Variants in ISOC1 observed in about 807,000 individuals in gnomAD.
ISOC1 encodes isochorismatase domain-containing protein 1.
Under a neutral mutation model 30.0 loss-of-function variants are expected in ISOC1, and 33 were observed. That is an observed-to-expected ratio of 1.10 (90% CI 0.83 to 1.47). ISOC1 has a LOEUF of 1.47. Ranked by LOEUF, ISOC1 falls within the 40% of genes most tolerant of loss-of-function variation. The pLI, the probability that ISOC1 is intolerant of heterozygous loss-of-function variation, is 0.00. For missense variants in ISOC1, 372 were observed against 388.0 expected (o/e 0.96, Z 0.35); for synonymous variants, 178 against 159.8 (o/e 1.11, Z -0.86).
At chr5:129,100,460 CTA>C (rs1440899000) in intron 1 of ISOC1, among the ~76,000 whole-genome samples, 3 of 151,896 alleles carry the variant, frequency 2.0e-5, no homozygotes, top group East Asian at 3.9e-4. Flanking sequence ...GTGTGTAGGA[CTA>C]TGTGTAGGCA....
At chr5:129,102,610 ATAATT>A (rs1753586262) in intron 1 of ISOC1, among the ~76,000 whole-genome samples, 1 of 152,210 alleles carries the variant, frequency 6.6e-6, no homozygotes, top group African/African-American at 2.4e-5. Flanking sequence ...TCTGAAATAT[ATAATT>A]TAACAGTTTT....
chr5:129,095,842 C>T (rs1460287914), intron 1 of ISOC1, among the ~76,000 whole-genome samples: 1 of 152,182 alleles, frequency 6.6e-6, no homozygotes, highest in African/African-American at 2.4e-5. Context: ...TGCTCTCATG[C>T]TAGGCGGGTT....
At chr5:129,111,866 A>G (rs1164198859) in intron 4 of ISOC1, among the ~76,000 whole-genome samples, 2 of 152,124 alleles carry the variant, frequency 1.3e-5, no homozygotes, top group African/African-American at 4.8e-5. Context: ...TTGACCTGTC[A>G]GTGAAACTTT....
intron 1 of ISOC1, among the ~76,000 whole-genome samples, chr5:129,103,733 A>G (rs1367227456): frequency 6.6e-6 from 1 of 152,150 alleles, no homozygotes; most frequent in African/African-American, 2.4e-5. Flanking sequence ...TTGGTGGTGA[A>G]GCCACACCAT....
chr5:129,108,408 T>A (rs1753663560), intron 4 of ISOC1, among the ~76,000 whole-genome samples: 1 of 152,218 alleles, frequency 6.6e-6, no homozygotes, highest in African/African-American at 2.4e-5. Context: ...TTATTTATTT[T>A]GTTTAGCTAT....
Position 129,107,003 on chromosome 5 carries a change from C to A in ISOC1, c.691C>A (p.His231Asn). Residue 231 changes from histidine (H) to asparagine (N), a missense_variant, in exon 4 of 5, where the codon CAC becomes AAC. By Grantham distance (68) the His-to-Asn change is moderately conservative. Coordinates refer to ENST00000173527, the MANE Select transcript of ISOC1 (RefSeq NM_016048.2). The stretch of plus-strand genomic sequence containing the variant: ...GCTAGTTGGCCGAGGAGTCGAGGTT[C>A]ACATTGTTGCTGATGCCACCTCATC... ...LELVGRGVEV[H>N]IVADATSSRS... The A allele has an allele frequency of 1.2e-6, 2 of 1,613,852 alleles. No individual in the cohort carries two copies. The highest frequency in any genetic ancestry group is 2.2e-5 in the South Asian group (2 of 91,078).
At chr5:129,095,200 G>T (rs1234375253) in intron 1 of ISOC1, 125 bp downstream of exon 1, 2 of 938,086 alleles carry the variant, frequency 2.1e-6, no homozygotes, top group South Asian at 3.7e-5. Context: ...CTGCGCGAGT[G>T]GCTGAGTCCG....
At chr5:129,098,919 C>T (rs1404173022) in intron 1 of ISOC1, among the ~76,000 whole-genome samples, 1 of 152,006 alleles carries the variant, frequency 6.6e-6, no homozygotes, top group Non-Finnish European at 1.5e-5. Context: ...ACCTTGTTCG[C>T]CTTTGGCTTG....
intron 1 of ISOC1, among the ~76,000 whole-genome samples, chr5:129,100,734 A>G (rs1308276355): frequency 6.6e-6 from 1 of 152,032 alleles, no homozygotes; most frequent in African/African-American, 2.4e-5. Flanking sequence ...CGAAATTTAG[A>G]GAGTTGTATG....
chr5:129,110,625 G>C (rs928696365), intron 4 of ISOC1, among the ~76,000 whole-genome samples: 1 of 151,880 alleles, frequency 6.6e-6, no homozygotes, highest in African/African-American at 2.4e-5. Context: ...TTTCTGTGAT[G>C]TACACTTCCC....
rs143688677 is a variant in ISOC1, at chr5:129,105,071, G to A, written c.425G>A (p.Arg142Lys). 1.1e-5 allele frequency: 17 copies of A among 1,613,838 alleles called. No individual in the cohort carries two copies. In the East Asian group the frequency reaches 3.8e-4, roughly 36 times the overall value. ...GGGGATATTATTAGCGTGGGACAGA[G>A]ATTGGTATGCTTGTTTACTTATTTG... ...YFGDIISVGQ[R>K]LLQGARILGI... Residue 142 changes from arginine (R) to lysine (K), a missense_variant, in exon 2 of 5, where the codon AGA becomes AAA. Coordinates refer to ENST00000173527, the MANE Select transcript of ISOC1 (RefSeq NM_016048.2).
At chr5:129,095,151 G>A in intron 1 of ISOC1, 76 bp downstream of exon 1, 2 of 1,406,996 alleles carry the variant, frequency 1.4e-6, no homozygotes, top group Non-Finnish European at 1.9e-6. Flanking sequence ...CGCCTTCGCC[G>A]CGCTCCTCAG....
At chr5:129,101,161 CAAAAAAAAAAAAAAAAAA>C (rs1156603818) in intron 1 of ISOC1, among the ~76,000 whole-genome samples, 2 of 19,506 alleles carry the variant, frequency 1.0e-4, no homozygotes, top group Non-Finnish European at 1.8e-4. Context: ...CTCAGCTAAT[CAAAAAAAAAAAAAAAAAA>C]AAAAAAAAAA....
chr5:129,109,485 T>C (rs1753678675), intron 4 of ISOC1, among the ~76,000 whole-genome samples: 1 of 152,116 alleles, frequency 6.6e-6, no homozygotes, highest in African/African-American at 2.4e-5. Flanking sequence ...TCACCAGAAA[T>C]GTGTAAGTAT....
intron 4 of ISOC1, among the ~76,000 whole-genome samples, chr5:129,110,999 A>C (rs10478831): frequency 9.2e-5 from 14 of 152,140 alleles, no homozygotes; most frequent in African/African-American, 3.4e-4. Context: ...AGAGCTGGAC[A>C]TGAATGACTT....
rs1301608799 is a variant in ISOC1, at chr5:129,104,356, T to A, written c.310-600T>A. On this transcript the variant is annotated intron_variant, in intron 1 of 4. Coordinates refer to ENST00000173527, the MANE Select transcript of ISOC1 (RefSeq NM_016048.2). ...CTGCTACAGATATTTTAAGTTTTACTTTTTATACTTACAAGCAGCAACATC... is the reference window on the plus strand; with the variant it reads ...CTGCTACAGATATTTTAAGTTTTACATTTTATACTTACAAGCAGCAACATC... 4.6e-5 allele frequency among the ~76,000 whole-genome samples: 7 copies of A among 152,278 alleles called. No individual in the cohort carries two copies. In the East Asian group the frequency reaches 7.7e-4, roughly 17 times the overall value.
chr5:129,113,028 C>A lies in ISOC1; in HGVS notation c.*27C>A. The A allele has an allele frequency of 6.3e-7, 1 of 1,596,218 alleles. No homozygotes were observed. Among genetic ancestry groups the A allele is most frequent in the South Asian group, 1.1e-5 (1 of 88,102 alleles). ...ACATTTGAAGAACTGGTATGCTACT[C>A]ACTGGTGAAGGACAGTCAGGTGAAG... On this transcript the variant is annotated 3_prime_UTR_variant, in exon 5 of 5. Transcript: ENST00000173527.
Position 129,104,951 on chromosome 5 carries a change from C to T in ISOC1, c.310-5C>T. 6.2e-7 allele frequency: 1 copy of T among 1,607,492 alleles called. No homozygotes were observed. The highest frequency in any genetic ancestry group is 8.5e-7 in the Non-Finnish European group (1 of 1,177,900). ...GCTAAATCATTCTTTTTCTTTTTTCCTCAGCTCACTACCCTGGGAAATCTT... is the reference window on the plus strand; with the variant it reads ...GCTAAATCATTCTTTTTCTTTTTTCTTCAGCTCACTACCCTGGGAAATCTT... On this transcript the variant is annotated splice_region_variant and splice_polypyrimidine_tract_variant and intron_variant, in intron 1 of 4. Coordinates refer to ENST00000173527, the MANE Select transcript of ISOC1 (RefSeq NM_016048.2).
chr5:129,107,270 A>G (rs1450718758), intron 4 of ISOC1, among the ~76,000 whole-genome samples: 3 of 152,164 alleles, frequency 2.0e-5, no homozygotes, highest in Non-Finnish European at 2.9e-5. Context: ...CCTTAGATCA[A>G]GGTTTCTAGC....
Sources: allele counts gnomAD v4.1 joint callset (sites outside exome capture counted in the v4.1 genomes callset), GRCh38; gene constraint gnomAD v4.1.1; transcripts MANE v1.5; gene names NCBI Gene and HGNC (gene_info 2026-07-23, HGNC 2026-07-21).